Variants in CNTNAP2 observed in about 807,000 individuals in gnomAD.
The protein encoded by CNTNAP2 is contactin-associated protein-like 2.
A neutral mutation model predicts 155.2 loss-of-function variants in CNTNAP2; 98 were observed. The ratio of observed to expected loss-of-function variants is 0.63; its 90% CI spans 0.54 to 0.75. The LOEUF (loss-of-function observed/expected upper bound fraction) is 0.75, where lower values mean the gene tolerates loss of function less well. Ranked by LOEUF, CNTNAP2 falls within the 30% of genes least tolerant of loss-of-function variation. CNTNAP2 has a pLI of 0.00. For missense variants in CNTNAP2, 1,727 were observed against 1,688.1 expected (o/e 1.02, Z -0.40); for synonymous variants, 651 against 631.2 (o/e 1.03, Z -0.47).
chr7:146,630,606 A>C (rs1799495007), intron 1 of CNTNAP2, among the ~76,000 whole-genome samples: 1 of 152,106 alleles, frequency 6.6e-6, no homozygotes, highest in South Asian at 2.1e-4. Context: ...ACATGGTAAA[A>C]GCGTTCCTGT....
At chr7:146,658,629 C>A (rs1800033610) in intron 1 of CNTNAP2, among the ~76,000 whole-genome samples, 1 of 152,056 alleles carries the variant, frequency 6.6e-6, no homozygotes, top group Non-Finnish European at 1.5e-5. Flanking sequence ...AGTATGTAGT[C>A]TAAAGCAGAG....
chr7:146,527,337 G>C (rs2129138418), intron 1 of CNTNAP2, among the ~76,000 whole-genome samples: 1 of 152,200 alleles, frequency 6.6e-6, no homozygotes, highest in Admixed American at 6.5e-5. Context: ...CAAAAACAGT[G>C]TTTTTTATTT....
At chr7:146,556,047 A>G (rs900417963) in intron 1 of CNTNAP2, among the ~76,000 whole-genome samples, 1 of 152,218 alleles carries the variant, frequency 6.6e-6, no homozygotes, top group African/African-American at 2.4e-5. Flanking sequence ...ATTTTGTTAC[A>G]TAGCAATATT....
chr7:147,139,538 A>G (rs1801554432), intron 8 of CNTNAP2, among the ~76,000 whole-genome samples: 1 of 152,098 alleles, frequency 6.6e-6, no homozygotes, highest in South Asian at 2.1e-4. Flanking sequence ...GTTGAGAATT[A>G]CCAGGGATAA....
At chr7:148,272,897 GAA>G (rs1481036409) in intron 21 of CNTNAP2, among the ~76,000 whole-genome samples, 1 of 152,118 alleles carries the variant, frequency 6.6e-6, no homozygotes, top group Non-Finnish European at 1.5e-5. Flanking sequence ...TGTCTGATCA[GAA>G]AAAAATATGA....
chr7:147,382,829 A>G (rs1443963750), intron 9 of CNTNAP2, among the ~76,000 whole-genome samples: 1 of 152,034 alleles, frequency 6.6e-6, no homozygotes, highest in Non-Finnish European at 1.5e-5. Context: ...TAGAAGGAAA[A>G]CCTCGAATGA....
chr7:147,900,249 A>T (rs1449096668), intron 13 of CNTNAP2, among the ~76,000 whole-genome samples: 2 of 151,936 alleles, frequency 1.3e-5, no homozygotes, highest in Admixed American at 6.6e-5. Flanking sequence ...TCTCATATTG[A>T]ATTGTAATCT....
At chr7:146,486,832 A>G (rs1243877972) in intron 1 of CNTNAP2, among the ~76,000 whole-genome samples, 3 of 152,136 alleles carry the variant, frequency 2.0e-5, no homozygotes, top group Non-Finnish European at 2.9e-5. Context: ...TCATTTTTTC[A>G]CATCTGTTCT....
chr7:146,902,235 G>C (rs367868201), intron 3 of CNTNAP2, among the ~76,000 whole-genome samples: 112 of 152,208 alleles, frequency 7.4e-4, no homozygotes, highest in African/African-American at 2.7e-3. Context: ...CTGGCAGTGA[G>C]TGTAGGGGAG....
At chr7:147,203,004 A>G (rs1447073270) in intron 8 of CNTNAP2, among the ~76,000 whole-genome samples, 1 of 151,590 alleles carries the variant, frequency 6.6e-6, no homozygotes. Context: ...TGTCTACCAC[A>G]GGAAAAAAAA....
At chr7:146,632,650 CA>C (rs1799529019) in intron 1 of CNTNAP2, among the ~76,000 whole-genome samples, 1 of 151,778 alleles carries the variant, frequency 6.6e-6, no homozygotes. Context: ...ATTTACAATC[CA>C]AAACCTTTTG....
rs1376689989 is a variant in CNTNAP2, at chr7:147,881,903, C to T, written c.2099-21662C>T. 2.6e-5 allele frequency among the ~76,000 whole-genome samples: 4 copies of T among 151,882 alleles called. No individual in the cohort carries two copies. In the East Asian group the frequency reaches 5.8e-4, roughly 22 times the overall value. On this transcript the variant is annotated intron_variant, in intron 13 of 23. Coordinates refer to ENST00000361727, the MANE Select transcript of CNTNAP2 (RefSeq NM_014141.6). Reference sequence around the variant, plus strand: ...AGGAGCATCGCTTGAACCTGGGAAGCGGAGGTTGCAGTGAGCCAAGATTAA... The same window carrying T: ...AGGAGCATCGCTTGAACCTGGGAAGTGGAGGTTGCAGTGAGCCAAGATTAA...
intron 11 of CNTNAP2, among the ~76,000 whole-genome samples, chr7:147,535,514 A>C (rs1799523848): frequency 6.6e-6 from 1 of 152,176 alleles, no homozygotes; most frequent in Non-Finnish European, 1.5e-5. Context: ...GGAGAATGAA[A>C]ACTTCCTAAA....
intron 1 of CNTNAP2, among the ~76,000 whole-genome samples, chr7:146,699,571 G>A (rs1300431803): frequency 6.6e-6 from 1 of 152,024 alleles, no homozygotes; most frequent in African/African-American, 2.4e-5. Context: ...AGGGAGCTGG[G>A]GTTAGGTATT....
At chr7:146,961,350 G>T (rs1035952338) in intron 3 of CNTNAP2, among the ~76,000 whole-genome samples, 1 of 152,152 alleles carries the variant, frequency 6.6e-6, no homozygotes, top group Admixed American at 6.5e-5. Flanking sequence ...CCTAAATAAC[G>T]CTGGTCAGGG....
At chr7:147,917,641 G>A (rs972317038) in intron 14 of CNTNAP2, among the ~76,000 whole-genome samples, 3 of 152,212 alleles carry the variant, frequency 2.0e-5, no homozygotes, top group Non-Finnish European at 4.4e-5. Context: ...GCTGGGTTCT[G>A]TAGCCTTTAA....
intron 15 of CNTNAP2, among the ~76,000 whole-genome samples, chr7:148,053,643 G>A (rs1481774398): frequency 2.6e-5 from 4 of 152,106 alleles, no homozygotes; most frequent in Non-Finnish European, 5.9e-5. Context: ...GCAGAAGAAG[G>A]AGCTGATTAA....
chr7:146,407,967 A>C (rs1795816065), intron 1 of CNTNAP2, among the ~76,000 whole-genome samples: 1 of 152,210 alleles, frequency 6.6e-6, no homozygotes, highest in South Asian at 2.1e-4. Context: ...GTAATAATGC[A>C]GTACCTCATA....
intron 13 of CNTNAP2, among the ~76,000 whole-genome samples, chr7:147,704,986 T>C (rs1796289579): frequency 2.0e-5 from 3 of 152,116 alleles, no homozygotes; most frequent in Admixed American, 1.3e-4. Flanking sequence ...GCTAACAGTT[T>C]ATTGATTTCA....
Sources: gnomAD v4.1 joint callset for allele counts (sites outside exome capture counted in the v4.1 genomes callset) on GRCh38, gnomAD v4.1.1 for gene constraint, MANE v1.5 for transcripts, NCBI Gene and HGNC (gene_info 2026-07-23, HGNC 2026-07-21) for gene names.